SLC35F1: variants seen among roughly 807,000 people sequenced by gnomAD.
The protein encoded by SLC35F1 is chromosome 6 open reading frame 169.
Under a neutral mutation model 48.7 loss-of-function variants are expected in SLC35F1, and 14 were observed. The ratio of observed to expected loss-of-function variants is 0.29; its 90% CI spans 0.19 to 0.45. SLC35F1 has a LOEUF of 0.45. SLC35F1 is among the 20% of genes least tolerant of loss of function. The probability of loss-of-function intolerance (pLI) is 1.00; values close to 1 mark genes in which losing one functional copy is unlikely to be tolerated. For synonymous variants in SLC35F1, 190 were observed against 202.2 expected (o/e 0.94, Z 0.51); for missense variants, 404 against 500.0 (o/e 0.81, Z 1.83).
At chr6:118,126,733 CT>C (rs1264623830) in intron 1 of SLC35F1, among the ~76,000 whole-genome samples, 1 of 151,692 alleles carries the variant, frequency 6.6e-6, no homozygotes, top group African/African-American at 2.4e-5. Context: ...ATTTTATTCT[CT>C]TTGAAGCAAT....
chr6:118,238,595 C>T (rs575249414), intron 3 of SLC35F1, among the ~76,000 whole-genome samples: 1 of 152,154 alleles, frequency 6.6e-6, no homozygotes, highest in East Asian at 1.9e-4. Flanking sequence ...TCTACTGTCC[C>T]TTCTGCTAGA....
chr6:118,266,785 TG>T (rs1295176844), intron 3 of SLC35F1, among the ~76,000 whole-genome samples: 3 of 152,150 alleles, frequency 2.0e-5, no homozygotes, highest in Non-Finnish European at 2.9e-5. Context: ...CCTTAAAGTT[TG>T]GGGGATGTTT....
At chr6:117,920,793 G>A (rs1775887513) in intron 1 of SLC35F1, among the ~76,000 whole-genome samples, 2 of 152,248 alleles carry the variant, frequency 1.3e-5, no homozygotes, top group Middle Eastern at 3.4e-3. Flanking sequence ...GCATTATAAA[G>A]TGTTGGGTCA....
At position 118,232,811 on chromosome 6, in the gene SLC35F1, T is replaced by C. The variant is rs79210162; in HGVS notation, c.350-2698T>C. 9.2e-3 allele frequency among the ~76,000 whole-genome samples: 1,398 copies of C among 152,230 alleles called. 6 individuals carry two copies. Among genetic ancestry groups the C allele is most frequent in the Non-Finnish European group, 0.016 (1,121 of 68,010 alleles). ...TTCACCACTCTGTGGTTGTATCTCT[T>C]TGGGATTCTTAGCTCGAGTCACCAT... On this transcript the variant is annotated intron_variant, in intron 2 of 7. Transcript: ENST00000360388.
chr6:118,274,517 C>T (rs536894544), intron 4 of SLC35F1, among the ~76,000 whole-genome samples: 25 of 152,204 alleles, frequency 1.6e-4, no homozygotes, highest in African/African-American at 4.8e-4. Context: ...TCTGCCTCAG[C>T]CTCCCAAGTA....
chr6:118,207,364 C>G (rs1353278146), intron 2 of SLC35F1, among the ~76,000 whole-genome samples: 1 of 152,098 alleles, frequency 6.6e-6, no homozygotes, highest in East Asian at 1.9e-4. Flanking sequence ...AGAAATAATT[C>G]CTTGCAGAAT....
intron 7 of SLC35F1, among the ~76,000 whole-genome samples, chr6:118,294,619 A>G (rs1349855716): frequency 1.3e-5 from 2 of 152,178 alleles, no homozygotes; most frequent in Non-Finnish European, 2.9e-5. Context: ...CAAACTAGAA[A>G]CTAATAGACA....
intron 2 of SLC35F1, among the ~76,000 whole-genome samples, chr6:118,234,625 T>A (rs1053816722): frequency 6.6e-6 from 1 of 152,150 alleles, no homozygotes; most frequent in African/African-American, 2.4e-5. Flanking sequence ...TGCGAGATAA[T>A]CAGTATTTCT....
intron 2 of SLC35F1, among the ~76,000 whole-genome samples, chr6:118,182,215 G>A (rs966099273): frequency 2.0e-5 from 3 of 152,094 alleles, no homozygotes; most frequent in Non-Finnish European, 2.9e-5. Context: ...GCCAGGCACT[G>A]TGGCTCATGC....
At chr6:118,292,280 A>T (rs1483588928) in intron 7 of SLC35F1, among the ~76,000 whole-genome samples, 1 of 152,202 alleles carries the variant, frequency 6.6e-6, no homozygotes, top group Non-Finnish European at 1.5e-5. Flanking sequence ...ACATGGCTGC[A>T]AGCAGGTAGA....
In SLC35F1 at chr6:117,907,738, T is replaced by C; in HGVS notation, c.12T>C (p.Pro4=). 6.5e-7 allele frequency: 1 copy of C among 1,540,580 alleles called. No homozygotes were observed. The highest frequency in any genetic ancestry group is 8.7e-7 in the Non-Finnish European group (1 of 1,149,906). ...CAGCCTCTGCCGCGATGATCCCCCC[T>C]GAGCAGCCGCAGCAGCAGCTGCAGC... MIP[P]EQPQQQLQPP... is the part of the protein sequence containing the mutation. Residue 4 remains proline, a synonymous_variant, in exon 1 of 8, where the codon CCT becomes CCC. Coordinates refer to ENST00000360388, the MANE Select transcript of SLC35F1 (RefSeq NM_001029858.4).
chr6:118,008,359 G>A (rs1321918794), intron 1 of SLC35F1, among the ~76,000 whole-genome samples: 3 of 152,162 alleles, frequency 2.0e-5, no homozygotes, highest in African/African-American at 4.8e-5. Flanking sequence ...TGTAGGGTGT[G>A]CACAGCAGGG....
chr6:118,037,059 T>C (rs1168806741), intron 1 of SLC35F1, among the ~76,000 whole-genome samples: 1 of 152,212 alleles, frequency 6.6e-6, no homozygotes, highest in Non-Finnish European at 1.5e-5. Context: ...AACATCTCTC[T>C]TTATGTCTGG....
chr6:117,992,834 A>G (rs1443225286), intron 1 of SLC35F1, among the ~76,000 whole-genome samples: 1 of 152,240 alleles, frequency 6.6e-6, no homozygotes, highest in Non-Finnish European at 1.5e-5. Context: ...TCTGAAGAGT[A>G]CTTTAGTTTC....
chr6:118,162,224 A>T (rs205956), intron 2 of SLC35F1, among the ~76,000 whole-genome samples: 4,210 of 152,322 alleles, frequency 0.028, 111 homozygotes, highest in African/African-American at 0.054. Flanking sequence ...GTATGGGTTA[A>T]TCTCAAAAGC....
intron 1 of SLC35F1, among the ~76,000 whole-genome samples, chr6:118,080,803 A>G (rs1772896566): frequency 6.6e-6 from 1 of 152,246 alleles, no homozygotes; most frequent in African/African-American, 2.4e-5. Flanking sequence ...TATCCTGTGC[A>G]GCATTTCCAA....
chr6:118,025,226 CTT>C (rs1214809781), intron 1 of SLC35F1, among the ~76,000 whole-genome samples: 1 of 152,064 alleles, frequency 6.6e-6, no homozygotes, highest in Non-Finnish European at 1.5e-5. Flanking sequence ...TTTTCTAAGA[CTT>C]TACTTGTTTT....
intron 7 of SLC35F1, among the ~76,000 whole-genome samples, chr6:118,304,459 T>C (rs957363582): frequency 2.0e-5 from 3 of 152,144 alleles, no homozygotes; most frequent in Non-Finnish European, 4.4e-5. Context: ...ATGGAGTCTA[T>C]AAGCCAGAGG....
intron 1 of SLC35F1, among the ~76,000 whole-genome samples, chr6:118,138,924 A>G (rs1773839764): frequency 6.6e-6 from 1 of 151,970 alleles, no homozygotes; most frequent in Non-Finnish European, 1.5e-5. Context: ...GTTCACTTAT[A>G]CTTCCATAGA....
Sources: allele counts gnomAD v4.1 joint callset (sites outside exome capture counted in the v4.1 genomes callset), GRCh38; gene constraint gnomAD v4.1.1; transcripts MANE v1.5; gene names NCBI Gene and HGNC (gene_info 2026-07-23, HGNC 2026-07-21).